The following CFAP299 variants were observed in gnomAD, a reference collection of about 807,000 sequenced individuals.
CFAP299 encodes cilia and flagella associated protein 299, also known as cilia- and flagella-associated protein 299.
CFAP299 carries 21 observed loss-of-function variants against 27.0 expected under a neutral mutation model. The ratio of observed to expected loss-of-function variants is 0.78; its 90% CI spans 0.55 to 1.12. The LOEUF (loss-of-function observed/expected upper bound fraction) is 1.12. CFAP299 is among the 50% of genes most tolerant of loss of function. The pLI is 0.00. For missense variants in CFAP299, 310 were observed against 276.6 expected (o/e 1.12, Z -0.86); for synonymous variants, 104 against 98.1 (o/e 1.06, Z -0.36).
chr4:80,697,323 A>G (rs1721166889), intron 3 of CFAP299, among the ~76,000 whole-genome samples: 1 of 132,746 alleles, frequency 7.5e-6, no homozygotes, highest in African/African-American at 3.6e-5. Flanking sequence ...CTTATTTTAT[A>G]GGTTTAAACC....
intron 2 of CFAP299, among the ~76,000 whole-genome samples, chr4:80,531,226 T>G (rs1733446938): frequency 1.3e-5 from 2 of 152,134 alleles, no homozygotes; most frequent in Admixed American, 1.3e-4. Flanking sequence ...TGAAATTTCC[T>G]AGTGTATTGG....
At chr4:80,337,891 A>G (rs1357094717) in intron 1 of CFAP299, among the ~76,000 whole-genome samples, 1 of 152,186 alleles carries the variant, frequency 6.6e-6, no homozygotes, top group Non-Finnish European at 1.5e-5. Flanking sequence ...ATATATGTAT[A>G]TATTTGGATT....
intron 2 of CFAP299, among the ~76,000 whole-genome samples, chr4:80,558,393 G>A (rs1392537722): frequency 2.4e-5 from 3 of 127,464 alleles, no homozygotes; most frequent in Non-Finnish European, 4.7e-5. Context: ...GAACCTTAAA[G>A]TTCTCATAGC....
chr4:80,633,874 A>G (rs1465166552), intron 3 of CFAP299, among the ~76,000 whole-genome samples: 1 of 151,892 alleles, frequency 6.6e-6, no homozygotes, highest in African/African-American at 2.4e-5. Flanking sequence ...TACATGGTTG[A>G]TATTTTCCCT....
intron 3 of CFAP299, among the ~76,000 whole-genome samples, chr4:80,772,712 T>C (rs1726289856): frequency 6.6e-6 from 1 of 151,952 alleles, no homozygotes; most frequent in Non-Finnish European, 1.5e-5. Flanking sequence ...TTCCCTCCTC[T>C]TGCCCTCCGC....
intron 3 of CFAP299, among the ~76,000 whole-genome samples, chr4:80,855,082 C>A (rs994769487): frequency 6.6e-6 from 1 of 151,906 alleles, no homozygotes; most frequent in African/African-American, 2.4e-5. Context: ...GCTAGAAAGA[C>A]AAGTGATGGA....
chr4:80,532,734 C>G (rs1276702001), intron 2 of CFAP299, among the ~76,000 whole-genome samples: 1 of 152,090 alleles, frequency 6.6e-6, no homozygotes, highest in East Asian at 1.9e-4. Context: ...GTTATTATTT[C>G]TGTTGATATT....
chr4:80,801,206 T>C (rs917956052), intron 3 of CFAP299, among the ~76,000 whole-genome samples: 28 of 151,960 alleles, frequency 1.8e-4, no homozygotes, highest in South Asian at 4.2e-4. Flanking sequence ...TTTAACCTTT[T>C]GAACATATAG....
chr4:80,715,864 G>C (rs555469448), intron 3 of CFAP299, among the ~76,000 whole-genome samples: 1 of 151,990 alleles, frequency 6.6e-6, no homozygotes, highest in South Asian at 2.1e-4. Flanking sequence ...GATAAATGTA[G>C]AGCAGTGTTC....
At chr4:80,667,853 G>A (rs1192457631) in intron 3 of CFAP299, among the ~76,000 whole-genome samples, 1 of 152,046 alleles carries the variant, frequency 6.6e-6, no homozygotes, top group Non-Finnish European at 1.5e-5. Flanking sequence ...TGTAATTGCT[G>A]AATCATATGG....
At chr4:80,463,684 C>T (rs891529682) in intron 2 of CFAP299, among the ~76,000 whole-genome samples, 2 of 152,040 alleles carry the variant, frequency 1.3e-5, no homozygotes, top group African/African-American at 2.4e-5. Flanking sequence ...TTATCAGATT[C>T]GGGTCCCAAC....
chr4:80,759,456 C>A (rs1221108318), intron 3 of CFAP299, among the ~76,000 whole-genome samples: 1 of 152,094 alleles, frequency 6.6e-6, no homozygotes, highest in Non-Finnish European at 1.5e-5. Flanking sequence ...GAGTGGCGGG[C>A]AACTGTCATC....
At position 80,526,117 on chromosome 4, in the gene CFAP299, C is replaced by T. The variant is rs578035675; in HGVS notation, c.243-56976C>T. 2.0e-5 allele frequency among the ~76,000 whole-genome samples: 3 copies of T among 152,178 alleles called. No homozygotes were observed. The East Asian group carries it at 5.8e-4, about 29-fold the overall frequency. On this transcript the variant is annotated intron_variant, in intron 2 of 5. Coordinates refer to ENST00000358105, the MANE Select transcript of CFAP299 (RefSeq NM_152770.3). ...ACATGCACTATTTAGCAGTTATGTA[C>T]CTCACAATTCCTTTTGGCCGGAAGT...
At chr4:80,464,688 G>A (rs1429658139) in intron 2 of CFAP299, among the ~76,000 whole-genome samples, 2 of 152,038 alleles carry the variant, frequency 1.3e-5, no homozygotes, top group Non-Finnish European at 2.9e-5. Context: ...AATTCTAAAT[G>A]TGTTCAGCTT....
chr4:80,631,702 T>C (rs1739211419), intron 3 of CFAP299, among the ~76,000 whole-genome samples: 1 of 152,202 alleles, frequency 6.6e-6, no homozygotes, highest in South Asian at 2.1e-4. Context: ...CATTTTTCTT[T>C]CAAATACTTT....
At chr4:80,763,362 A>C (rs1725649058) in intron 3 of CFAP299, among the ~76,000 whole-genome samples, 1 of 152,178 alleles carries the variant, frequency 6.6e-6, no homozygotes, top group Non-Finnish European at 1.5e-5. Context: ...CAATAGCTAC[A>C]AAGAAAATAA....
At chr4:80,487,663 A>C (rs1730896925) in intron 2 of CFAP299, among the ~76,000 whole-genome samples, 2 of 152,364 alleles carry the variant, frequency 1.3e-5, no homozygotes, top group Middle Eastern at 3.4e-3. Flanking sequence ...ATGAAAAAAG[A>C]GGAATAAGTA....
At chr4:80,809,458 A>C (rs1729030213) in intron 3 of CFAP299, among the ~76,000 whole-genome samples, 1 of 152,122 alleles carries the variant, frequency 6.6e-6, no homozygotes, top group South Asian at 2.1e-4. Context: ...GACCCTTTGC[A>C]TTCTGTGAAA....
intron 2 of CFAP299, among the ~76,000 whole-genome samples, chr4:80,392,055 G>A (rs1489152047): frequency 6.6e-6 from 1 of 152,174 alleles, no homozygotes; most frequent in Non-Finnish European, 1.5e-5. Flanking sequence ...CTTCCCTATT[G>A]GATTTCTGAC....
Sources: allele counts gnomAD v4.1 joint callset (sites outside exome capture counted in the v4.1 genomes callset), GRCh38; gene constraint gnomAD v4.1.1; transcripts MANE v1.5; gene names NCBI Gene and HGNC (gene_info 2026-07-23, HGNC 2026-07-21).